Variants in NKAIN2 observed in about 807,000 individuals in gnomAD.
NKAIN2 encodes sodium/potassium transporting ATPase interacting 2.
Under a neutral mutation model 32.6 loss-of-function variants are expected in NKAIN2, and 14 were observed. The observed-to-expected ratio is 0.43, with a 90% CI of 0.28 to 0.67. NKAIN2 has a LOEUF of 0.67. Ranked by LOEUF, NKAIN2 falls within the 30% of genes least tolerant of loss-of-function variation. The probability of loss-of-function intolerance (pLI) is 0.17; values close to 1 mark genes in which losing one functional copy is unlikely to be tolerated. For missense variants in NKAIN2, 198 were observed against 258.3 expected, an observed-to-expected ratio of 0.77 and a Z score of 1.60; for synonymous variants, 80 against 87.2, an observed-to-expected ratio of 0.92 and a Z score of 0.46.
At chr6:124,363,395 A>T (rs1182210653) in intron 3 of NKAIN2, among the ~76,000 whole-genome samples, 2 of 152,164 alleles carry the variant, frequency 1.3e-5, no homozygotes, top group African/African-American at 4.8e-5. Flanking sequence ...GAGGCTAAGT[A>T]TTCAGGCTTT....
rs1212242753 is a variant in NKAIN2 at position 124,327,732 on chromosome 6, T to A, written c.193-27535T>A. ...AAATGTCAATAAAATTATTTTGTGT[T>A]ATACTTATAGAGGTATAAAGTGGTT... On this transcript the variant is annotated intron_variant, in intron 2 of 6. Coordinates refer to ENST00000368417, the MANE Select transcript of NKAIN2 (RefSeq NM_001040214.3). Among the ~76,000 whole-genome samples, 3 of 152,162 alleles carry A rather than the reference T, an allele frequency of 2.0e-5. No homozygotes were observed. The South Asian group carries it at 6.2e-4, about 31-fold the overall frequency.
intron 4 of NKAIN2, among the ~76,000 whole-genome samples, chr6:124,682,119 T>G (rs1773652602): frequency 6.6e-6 from 1 of 152,050 alleles, no homozygotes; most frequent in South Asian, 2.1e-4. Flanking sequence ...CTTTTCATTT[T>G]CACCAGTAAA....
intron 4 of NKAIN2, among the ~76,000 whole-genome samples, chr6:124,682,978 T>C (rs1311274584): frequency 5.3e-5 from 8 of 152,106 alleles, no homozygotes; most frequent in Admixed American, 3.9e-4. Flanking sequence ...CAGTGATAAG[T>C]TTTGACTGTG....
At chr6:124,785,767 G>A (rs1779472579) in intron 4 of NKAIN2, among the ~76,000 whole-genome samples, 1 of 152,154 alleles carries the variant, frequency 6.6e-6, no homozygotes, top group African/African-American at 2.4e-5. Context: ...CTGATGCCAT[G>A]GGGGTGGCGG....
At chr6:123,946,176 C>T (rs1391847415) in intron 1 of NKAIN2, among the ~76,000 whole-genome samples, 1 of 152,040 alleles carries the variant, frequency 6.6e-6, no homozygotes, top group Non-Finnish European at 1.5e-5. Context: ...AGTTGGTGAG[C>T]AGAGTGAAGT....
intron 1 of NKAIN2, among the ~76,000 whole-genome samples, chr6:124,017,120 A>G (rs975560745): frequency 2.5e-4 from 38 of 152,218 alleles, no homozygotes; most frequent in African/African-American, 9.2e-4. Context: ...ACAAAGGAGA[A>G]GCAAAAGCCT....
At chr6:124,672,723 A>G (rs937423623) in intron 4 of NKAIN2, among the ~76,000 whole-genome samples, 20 of 152,032 alleles carry the variant, frequency 1.3e-4, no homozygotes, top group African/African-American at 4.8e-4. Flanking sequence ...ATATTAAATA[A>G]AGTTAAAAAA....
At chr6:124,458,488 GA>G (rs1270969668) in intron 3 of NKAIN2, among the ~76,000 whole-genome samples, 1 of 151,760 alleles carries the variant, frequency 6.6e-6, no homozygotes, top group East Asian at 1.9e-4. Context: ...TCATTAACTG[GA>G]AATAAAATGA....
At chr6:124,146,677 A>G (rs531339002) in intron 1 of NKAIN2, among the ~76,000 whole-genome samples, 6 of 152,232 alleles carry the variant, frequency 3.9e-5, no homozygotes, top group Non-Finnish European at 7.3e-5. Context: ...ATTATTCATT[A>G]GAAATGAATA....
chr6:124,105,061 G>A (rs945197098), intron 1 of NKAIN2, among the ~76,000 whole-genome samples: 4 of 152,140 alleles, frequency 2.6e-5, no homozygotes, highest in Non-Finnish European at 5.9e-5. Flanking sequence ...TTATAGGCAG[G>A]GCTGAACTCG....
chr6:124,301,377 G>A (rs1796286440), intron 2 of NKAIN2, among the ~76,000 whole-genome samples: 1 of 152,180 alleles, frequency 6.6e-6, no homozygotes, highest in Non-Finnish European at 1.5e-5. Flanking sequence ...CCCTCGTGGG[G>A]AACCTCTGCT....
chr6:124,007,039 T>C (rs921745138), intron 1 of NKAIN2, among the ~76,000 whole-genome samples: 40 of 152,282 alleles, frequency 2.6e-4, no homozygotes, highest in African/African-American at 9.4e-4. Flanking sequence ...CATCATACAG[T>C]GTACTTACAA....
At chr6:124,651,889 G>A (rs190264616) in intron 3 of NKAIN2, among the ~76,000 whole-genome samples, 81 of 152,276 alleles carry the variant, frequency 5.3e-4, no homozygotes, top group Admixed American at 5.2e-3. Flanking sequence ...CTTATCAAAT[G>A]TGTACTTGGC....
intron 3 of NKAIN2, among the ~76,000 whole-genome samples, chr6:124,447,829 A>C (rs1446303358): frequency 6.6e-6 from 1 of 151,362 alleles, no homozygotes; most frequent in East Asian, 1.9e-4. Context: ...CATTCTCTCC[A>C]CTCCTCACCC....
intron 1 of NKAIN2, among the ~76,000 whole-genome samples, chr6:124,166,154 T>A (rs1353459836): frequency 7.4e-6 from 1 of 135,310 alleles, no homozygotes; most frequent in Non-Finnish European, 1.6e-5. Context: ...GTGTTCCTAT[T>A]TCTCCACATC....
intron 2 of NKAIN2, among the ~76,000 whole-genome samples, chr6:124,313,216 A>T (rs908837113): frequency 6.6e-6 from 1 of 152,148 alleles, no homozygotes; most frequent in Non-Finnish European, 1.5e-5. Context: ...GTTCTTAATC[A>T]TACTTCTCCA....
At chr6:123,975,220 C>T (rs1427110842) in intron 1 of NKAIN2, among the ~76,000 whole-genome samples, 1 of 151,966 alleles carries the variant, frequency 6.6e-6, no homozygotes, top group Non-Finnish European at 1.5e-5. Context: ...GTTGAATAAA[C>T]TGGGTTTGAA....
intron 1 of NKAIN2, among the ~76,000 whole-genome samples, chr6:124,108,780 A>G (rs1165734225): frequency 6.6e-6 from 1 of 152,012 alleles, no homozygotes; most frequent in African/African-American, 2.4e-5. Flanking sequence ...TCCTACCACC[A>G]TTTGTTTAAG....
chr6:123,990,400 T>A (rs547218051), intron 1 of NKAIN2, among the ~76,000 whole-genome samples: 33 of 152,216 alleles, frequency 2.2e-4, no homozygotes, highest in Non-Finnish European at 4.3e-4. Flanking sequence ...CTTTGCTATT[T>A]ACACTTACCA....
Sources: allele counts gnomAD v4.1 joint callset (sites outside exome capture counted in the v4.1 genomes callset), GRCh38; gene constraint gnomAD v4.1.1; transcripts MANE v1.5; gene names NCBI Gene and HGNC (gene_info 2026-07-23, HGNC 2026-07-21).